The following MAP3K4 variants were observed in gnomAD, a reference collection of about 807,000 sequenced individuals.
The protein encoded by MAP3K4 is mitogen-activated protein kinase kinase kinase 4, also known as MAP three kinase 1.
Under a neutral mutation model 185.6 loss-of-function variants are expected in MAP3K4, and 67 were observed. The observed-to-expected ratio is 0.36, with a 90% CI of 0.30 to 0.44. The LOEUF (loss-of-function observed/expected upper bound fraction) is 0.44, where lower values mean the gene tolerates loss of function less well. Among genes scored for constraint, MAP3K4 ranks in the 20% least tolerant of loss-of-function variants. The pLI, the probability that MAP3K4 is intolerant of heterozygous loss-of-function variation, is 1.00. For missense variants in MAP3K4, 1,551 were observed against 1,995.1 expected (o/e 0.78, Z 4.24); for synonymous variants, 702 against 710.4 (o/e 0.99, Z 0.19).
In MAP3K4 at chr6:161,056,232, A is replaced by G. The variant is rs1784230114; in HGVS notation, c.1707+6253A>G. ...ACAAGATGCTCTGGGCTTGTCTTGTATTTTCCCTCGTTCTGTCCTAGGATC... is the reference window on the plus strand; with the variant it reads ...ACAAGATGCTCTGGGCTTGTCTTGTGTTTTCCCTCGTTCTGTCCTAGGATC... On this transcript the variant is annotated intron_variant, in intron 3 of 26. Transcript: ENST00000392142. The surrounding 1 kb of genome is among the most constrained non-coding windows in gnomAD (Gnocchi z 5.4). Among the ~76,000 whole-genome samples the G allele has an allele frequency of 6.6e-6, 1 of 151,960 alleles. No individual in the cohort carries two copies. The highest frequency in any genetic ancestry group is 1.5e-5 in the Non-Finnish European group (1 of 67,978).
Position 161,093,806 on chromosome 6 carries a change from C to T in MAP3K4, c.3382C>T (p.His1128Tyr), listed in dbSNP as rs1777439856. 6.2e-7 allele frequency: 1 copy of T among 1,613,386 alleles called. No individual in the cohort carries two copies. Among genetic ancestry groups the T allele is most frequent in the Non-Finnish European group, 8.5e-7 (1 of 1,179,736 alleles). ...LQALMNECIG[H>Y]VIGKPHSPVT... ...AGCCTTGATGAATGAATGCATTGGC[C>T]ATGTCATAGGAAAACCACACAGTCC... Residue 1128 changes from histidine to tyrosine, a missense_variant, in exon 15 of 27, where the codon CAT becomes TAT. Around this residue, in one of 16 missense-constraint regions of MAP3K4, gnomAD observed 272 missense variants for 301.2 expected, o/e 0.90. Transcript: ENST00000392142. This position sits in a 1 kb window ranked among gnomAD's most constrained non-coding sequence, Gnocchi z 5.2.
intron 1 of MAP3K4, among the ~76,000 whole-genome samples, chr6:160,998,697 T>G (rs1324293407): frequency 1.3e-5 from 2 of 152,244 alleles, no homozygotes; most frequent in African/African-American, 2.4e-5. Flanking sequence ...GGTGGTCTTT[T>G]ACATTAATAG....
rs1180122571 is a variant in MAP3K4 at position 161,049,083 on chromosome 6, T to C, written c.811T>C (p.Trp271Arg). ...NELIWLELQA[W>R]HAGRTINDQD... Reference sequence around the variant, plus strand: ...ACTGATCTGGTTAGAGCTACAAGCCTGGCATGCAGGACGGACAATTAACGA... The same window carrying C: ...ACTGATCTGGTTAGAGCTACAAGCCCGGCATGCAGGACGGACAATTAACGA... The change falls in exon 3 of 27, where the codon TGG becomes CGG. Residue 271 changes from tryptophan (W) to arginine (R), a missense_variant. Trp to Arg is a moderately radical substitution (Grantham distance 101). Transcript: ENST00000392142. This position sits in a 1 kb window ranked among gnomAD's most constrained non-coding sequence, Gnocchi z 8.4. 1 of 1,614,212 alleles carries C rather than the reference T, an allele frequency of 6.2e-7. No homozygotes were observed. Among genetic ancestry groups the C allele is most frequent in the Non-Finnish European group, 8.5e-7 (1 of 1,180,030 alleles).
Position 161,101,894 on chromosome 6 carries a change from G to A in MAP3K4, c.3677G>A (p.Gly1226Asp). The A allele has an allele frequency of 1.9e-6, 3 of 1,612,082 alleles. No homozygotes were observed. Among genetic ancestry groups the A allele is most frequent in the Non-Finnish European group, 2.5e-6 (3 of 1,178,294 alleles). Residue 1226 changes from glycine (G) to aspartate (D), a missense_variant and splice_region_variant, in exon 18 of 27, where the codon GGT becomes GAT. Coordinates refer to ENST00000392142, the MANE Select transcript of MAP3K4 (RefSeq NM_005922.4). This position sits in a 1 kb window ranked among gnomAD's most constrained non-coding sequence, Gnocchi z 5.1. ...AATTATTAAAAATATTAAAACAGGG[G>A]TTCCAGCGTTCCTGAAAATGATCGA... Reference protein sequence around the residue: ...KSISSAHDTRGSSVPENDRLA... With the variant: ...KSISSAHDTRDSSVPENDRLA...
Position 161,051,734 on chromosome 6 carries a change from C to G in MAP3K4, c.1707+1755C>G, listed in dbSNP as rs965006360. 6.6e-6 allele frequency among the ~76,000 whole-genome samples: 1 copy of G among 152,210 alleles called. No individual in the cohort carries two copies. Among genetic ancestry groups the G allele is most frequent in the Non-Finnish European group, 1.5e-5 (1 of 68,030 alleles). On this transcript the variant is annotated intron_variant, in intron 3 of 26. Coordinates refer to ENST00000392142, the MANE Select transcript of MAP3K4 (RefSeq NM_005922.4). This position sits in a 1 kb window ranked among gnomAD's most constrained non-coding sequence, Gnocchi z 4.2. ...CTCATATAAAATGGTGTAGTATTTA[C>G]ATACAACCTATGTGCATCCTCCTGT...
Position 161,037,986 on chromosome 6 carries a change from G to T in MAP3K4, c.343+3537G>T, listed in dbSNP as rs1310463349. ...CTGCTAGTACATTTTTTTTGTTACT[G>T]TTGCTGTTGCCTGTCTTTCCTTCCT... On this transcript the variant is annotated intron_variant, in intron 2 of 26. Coordinates refer to ENST00000392142, the MANE Select transcript of MAP3K4 (RefSeq NM_005922.4). The surrounding 1 kb of genome is among the most constrained non-coding windows in gnomAD (Gnocchi z 4.2). Among the ~76,000 whole-genome samples the T allele has an allele frequency of 2.6e-5, 4 of 151,814 alleles. No homozygotes were observed. The highest frequency in any genetic ancestry group is 9.7e-5 in the African/African-American group (4 of 41,314).
At position 161,102,771 on chromosome 6, in the gene MAP3K4, A is replaced by G. The variant is rs745695873; in HGVS notation, c.3848A>G (p.Gln1283Arg). 2.7e-6 allele frequency: 4 copies of G among 1,473,138 alleles called. No individual in the cohort carries two copies. The South Asian group carries it at 3.7e-5, about 14-fold the overall frequency. 91.3% of individuals were successfully genotyped at this position (1,473,138 alleles called of 1,614,324 possible). A position where few individuals can be genotyped will look rare whatever the true frequency, so the allele number is the denominator to read the frequency against. The change falls in exon 19 of 27, where the codon CAG (glutamine) becomes CGG (arginine). Residue 1283 changes from glutamine (Q) to arginine (R), a missense_variant. Gln to Arg is a conservative substitution (Grantham distance 43, BLOSUM62 1). Coordinates refer to ENST00000392142, the MANE Select transcript of MAP3K4 (RefSeq NM_005922.4). ...TGGGAACTTCGGACACTAATCAGCCAGAGTAAAGGTGAGAGAAAGAGTGTT... is the reference window on the plus strand; with the variant it reads ...TGGGAACTTCGGACACTAATCAGCCGGAGTAAAGGTGAGAGAAAGAGTGTT... ...RSWELRTLIS[Q>R]SKDTASKLGP...
At chr6:161,011,836 C>T (rs1044312301) in intron 1 of MAP3K4, among the ~76,000 whole-genome samples, 28 of 152,312 alleles carry the variant, frequency 1.8e-4, no homozygotes, top group African/African-American at 6.7e-4. Flanking sequence ...TGCAGTCCAC[C>T]CTACCCATCT....
At position 161,109,977 on chromosome 6, in the gene MAP3K4, G is replaced by C; in HGVS notation, c.4396+63G>C. 6.4e-7 allele frequency: 1 copy of C among 1,562,576 alleles called. No homozygotes were observed. Among genetic ancestry groups the C allele is most frequent in the Non-Finnish European group, 8.8e-7 (1 of 1,138,626 alleles). On this transcript the variant is annotated intron_variant, in intron 23 of 26. Coordinates refer to ENST00000392142, the MANE Select transcript of MAP3K4 (RefSeq NM_005922.4). This position sits in a 1 kb window ranked among gnomAD's most constrained non-coding sequence, Gnocchi z 5.7. ...CACTGGTACCCAGCCCGTGGGAGGT[G>C]CTCTGAAGACGCTCATCCCATTCCC...
chr6:161,108,961 CTT>C lies in MAP3K4; in HGVS notation c.4236+104_4236+105del. ...GTCTTCTCATTTCAGAGCACAGTAA[CTT>C]TGCCTAATTCTCAGGAAATCTCCAT... On this transcript the variant is annotated intron_variant, in intron 22 of 26. Coordinates refer to ENST00000392142, the MANE Select transcript of MAP3K4 (RefSeq NM_005922.4). The surrounding 1 kb of genome is among the most constrained non-coding windows in gnomAD (Gnocchi z 5.7). 1 of 1,611,224 alleles carries C rather than the reference CTT, an allele frequency of 6.2e-7. No individual in the cohort carries two copies. The highest frequency in any genetic ancestry group is 8.5e-7 in the Non-Finnish European group (1 of 1,179,018).
At chr6:161,018,326 G>A (rs915109089) in intron 1 of MAP3K4, among the ~76,000 whole-genome samples, 1 of 152,172 alleles carries the variant, frequency 6.6e-6, no homozygotes, top group African/African-American at 2.4e-5. Context: ...ATAAGGCAAA[G>A]AGCTGTTGAG....
At position 161,088,019 on chromosome 6, in the gene MAP3K4, A is replaced by G. The variant is rs1198727931; in HGVS notation, c.2823+65A>G. 2.0e-6 allele frequency: 3 copies of G among 1,513,746 alleles called. No homozygotes were observed. Among genetic ancestry groups the G allele is most frequent in the Admixed American group, 4.7e-5 (2 of 42,718 alleles). 93.8% of individuals were successfully genotyped at this position (1,513,746 alleles called of 1,614,324 possible). On this transcript the variant is annotated intron_variant, in intron 10 of 26. Coordinates refer to ENST00000392142, the MANE Select transcript of MAP3K4 (RefSeq NM_005922.4). This position sits in a 1 kb window ranked among gnomAD's most constrained non-coding sequence, Gnocchi z 4.5. ...GGACTTTTAGTAAGAATGAACTGTT[A>G]GCTGCTCATGAATGAGGGGTTTGAC...
At chr6:161,072,921 T>G (rs939397655) in intron 4 of MAP3K4, among the ~76,000 whole-genome samples, 1 of 152,242 alleles carries the variant, frequency 6.6e-6, no homozygotes, top group African/African-American at 2.4e-5. Context: ...TTGATTTTTA[T>G]CTAATTCCAT....
At chr6:161,018,599 CAA>C (rs1196745785) in intron 1 of MAP3K4, among the ~76,000 whole-genome samples, 1 of 152,154 alleles carries the variant, frequency 6.6e-6, no homozygotes, top group Non-Finnish European at 1.5e-5. Flanking sequence ...AAAAAACCCT[CAA>C]AGTTTAATCC....
chr6:161,048,664 C>T lies in MAP3K4; in HGVS notation c.392C>T (p.Thr131Ile). The T allele has an allele frequency of 6.2e-7, 1 of 1,612,090 alleles. No homozygotes were observed. Among genetic ancestry groups the T allele is most frequent in the East Asian group, 2.2e-5 (1 of 44,834 alleles). Residue 131 changes from threonine (T) to isoleucine (I), a missense_variant, in exon 3 of 27, where the codon ACA becomes ATA. Physicochemically the swap from Thr to Ile is moderately conservative, Grantham distance 89 (BLOSUM62 -1). Around this residue, in one of 16 missense-constraint regions of MAP3K4, gnomAD observed 287 missense variants for 268.8 expected, o/e 1.07. Transcript: ENST00000392142. The surrounding 1 kb of genome is among the most constrained non-coding windows in gnomAD (Gnocchi z 4.7). ...CCTCCACATAAAGACACTGGAAAAA[C>T]AGTGGAGAATGTGGAAGAATACAGC... is the stretch of plus-strand genomic sequence containing the variant. The part of the protein sequence containing the change: ...NQPPHKDTGK[T>I]VENVEEYSYK...
intron 1 of MAP3K4, among the ~76,000 whole-genome samples, chr6:161,013,628 G>A (rs554576597): frequency 1.3e-5 from 2 of 152,302 alleles, no homozygotes; most frequent in Admixed American, 6.5e-5. Flanking sequence ...GCACACTAGA[G>A]GTAGAAGAAA....
chr6:161,107,996 T>A lies in MAP3K4; in HGVS notation c.4119+27T>A. ...TGAGTCACCTGGCTCCGTGGGGCCT[T>A]TGGGCCTGGCGGCTCTGGGTGATAG... On this transcript the variant is annotated intron_variant, in intron 21 of 26. Transcript: ENST00000392142. This position sits in a 1 kb window ranked among gnomAD's most constrained non-coding sequence, Gnocchi z 6.2. 3 of 1,609,440 alleles carry A rather than the reference T, an allele frequency of 1.9e-6. No individual in the cohort carries two copies. The highest frequency in any genetic ancestry group is 2.5e-6 in the Non-Finnish European group (3 of 1,177,084).
intron 1 of MAP3K4, among the ~76,000 whole-genome samples, chr6:161,011,712 G>A (rs1397756326): frequency 6.6e-6 from 1 of 152,178 alleles, no homozygotes; most frequent in Non-Finnish European, 1.5e-5. Context: ...CAAAGGAGGA[G>A]TATGTGTGTA....
At chr6:161,081,271 G>T (rs1583207788) in intron 6 of MAP3K4, among the ~76,000 whole-genome samples, 1 of 149,658 alleles carries the variant, frequency 6.7e-6, no homozygotes. Flanking sequence ...TCATGACTGG[G>T]AAGATGCTCC....
Sources: gnomAD v4.1 joint callset for allele counts (sites outside exome capture counted in the v4.1 genomes callset) on GRCh38, gnomAD v4.1.1 for gene constraint, gnomAD v4.1.1 regional missense constraint, Gnocchi (gnomAD v3.1) non-coding constraint, MANE v1.5 for transcripts, NCBI Gene and HGNC (gene_info 2026-07-23, HGNC 2026-07-21) for gene names.